The following PLCB1 variants were observed in gnomAD, a reference collection of about 807,000 sequenced individuals.
PLCB1 encodes 1-phosphatidylinositol 4,5-bisphosphate phosphodiesterase beta-1.
PLCB1 carries 46 observed loss-of-function variants against 161.8 expected under a neutral mutation model. The ratio of observed to expected loss-of-function variants is 0.28; its 90% CI spans 0.22 to 0.36. The LOEUF is 0.36. Among genes scored for constraint, PLCB1 ranks in the 10% least tolerant of loss-of-function variants. The pLI is 1.00. For synonymous variants in PLCB1, 517 were observed against 503.7 expected, an observed-to-expected ratio of 1.03 and a Z score of -0.35; for missense variants, 1,016 against 1,472.5, an observed-to-expected ratio of 0.69 and a Z score of 5.07.
At chr20:8,377,028 A>G (rs1227785487) in intron 3 of PLCB1, among the ~76,000 whole-genome samples, 1 of 152,160 alleles carries the variant, frequency 6.6e-6, no homozygotes, top group Non-Finnish European at 1.5e-5. Context: ...ATTTCAAGCT[A>G]CCAACCTGAT....
At chr20:8,740,290 T>C in intron 21 of PLCB1, 54 bp from the exon 22 acceptor site, 1 of 935,104 alleles carries the variant, frequency 1.1e-6, no homozygotes, top group South Asian at 1.5e-5. Flanking sequence ...CGCATAATTA[T>C]AACTAACATT....
intron 26 of PLCB1, among the ~76,000 whole-genome samples, chr20:8,767,342 A>G (rs1490660948): frequency 6.6e-6 from 1 of 152,132 alleles, no homozygotes; most frequent in Non-Finnish European, 1.5e-5. Flanking sequence ...GTCTATAATC[A>G]TTCAGGAGCA....
intron 19 of PLCB1, among the ~76,000 whole-genome samples, chr20:8,734,596 G>A (rs1374813391): frequency 3.3e-5 from 5 of 151,650 alleles, no homozygotes; most frequent in Admixed American, 3.3e-4. Flanking sequence ...ATGTATATCT[G>A]ACCCTAAACA....
chr20:8,789,676 T>G (rs1983658954), intron 30 of PLCB1, 101 bp downstream of exon 30: 1 of 859,442 alleles, frequency 1.2e-6, no homozygotes, highest in Non-Finnish European at 2.0e-6. Flanking sequence ...TTGCCATAAC[T>G]TTTTATCACT....
chr20:8,618,343 T>C (rs1988087546), intron 3 of PLCB1, among the ~76,000 whole-genome samples: 1 of 152,150 alleles, frequency 6.6e-6, no homozygotes, highest in Admixed American at 6.5e-5. Context: ...TTTACACTCC[T>C]TAAATTTCCT....
intron 3 of PLCB1, among the ~76,000 whole-genome samples, chr20:8,594,180 C>T (rs1222820131): frequency 6.6e-6 from 1 of 152,182 alleles, no homozygotes; most frequent in Non-Finnish European, 1.5e-5. Context: ...GGACTACAGG[C>T]ATGAACCCTC....
chr20:8,563,260 G>T (rs1459419766), intron 3 of PLCB1, among the ~76,000 whole-genome samples: 1 of 151,966 alleles, frequency 6.6e-6, no homozygotes, highest in Non-Finnish European at 1.5e-5. Context: ...TCTGGTGGAA[G>T]TAGTATAGCC....
Position 8,881,950 on chromosome 20 carries a change from AT to A in PLCB1, c.*102del. 2 of 769,760 alleles carry A rather than the reference AT, an allele frequency of 2.6e-6. No individual in the cohort carries two copies. The highest frequency in any genetic ancestry group is 2.1e-6 in the Non-Finnish European group (1 of 465,382). 47.7% of individuals were successfully genotyped at this position (769,760 alleles called of 1,614,324 possible). A position where few individuals can be genotyped will look rare whatever the true frequency, so the allele number is the denominator to read the frequency against. On this transcript the variant is annotated 3_prime_UTR_variant, in exon 32 of 32. Transcript: ENST00000338037. ...GCCCAGGACCATCTTCCCGAGAAGCATCCCTTAGCCTAAAATCCACACCAAA... is the reference window on the plus strand; with the variant it reads ...GCCCAGGACCATCTTCCCGAGAAGCACCCTTAGCCTAAAATCCACACCAAA...
chr20:8,581,542 C>T (rs534514646), intron 3 of PLCB1, among the ~76,000 whole-genome samples: 12 of 152,132 alleles, frequency 7.9e-5, no homozygotes, highest in Non-Finnish European at 4.4e-5. Flanking sequence ...CTAAATGTTA[C>T]AAGGTTTGAC....
intron 2 of PLCB1, among the ~76,000 whole-genome samples, chr20:8,154,414 T>C (rs1253565078): frequency 2.0e-5 from 3 of 152,176 alleles, no homozygotes; most frequent in African/African-American, 7.2e-5. Flanking sequence ...AATCCTATAA[T>C]ATGGAGTAAT....
At chr20:8,399,219 A>G (rs897792024) in intron 3 of PLCB1, among the ~76,000 whole-genome samples, 4 of 147,388 alleles carry the variant, frequency 2.7e-5, no homozygotes, top group African/African-American at 1.0e-4. Flanking sequence ...TCCCAACACT[A>G]TTTTTTTCAG....
intron 23 of PLCB1, among the ~76,000 whole-genome samples, chr20:8,742,556 A>C (rs900268283): frequency 6.6e-6 from 1 of 152,212 alleles, no homozygotes; most frequent in Admixed American, 6.5e-5. Flanking sequence ...CCATCCGCTC[A>C]GAGATAGCCA....
intron 2 of PLCB1, among the ~76,000 whole-genome samples, chr20:8,222,433 TATTA>T (rs763249015): frequency 6.6e-6 from 1 of 152,218 alleles, no homozygotes; most frequent in Non-Finnish European, 1.5e-5. Flanking sequence ...TGCCTGTTGT[TATTA>T]ATCACTCAAA....
intron 2 of PLCB1, among the ~76,000 whole-genome samples, chr20:8,370,168 C>T (rs1462136028): frequency 6.6e-6 from 1 of 152,178 alleles, no homozygotes. Context: ...TCTGGAGTCA[C>T]TTTAAGACAA....
chr20:8,445,164 G>T (rs1280280363), intron 3 of PLCB1, among the ~76,000 whole-genome samples: 1 of 152,126 alleles, frequency 6.6e-6, no homozygotes, highest in Non-Finnish European at 1.5e-5. Flanking sequence ...TTCTTCTAGG[G>T]TTTTTATGGT....
At chr20:8,867,234 C>T (rs796559920) in intron 31 of PLCB1, among the ~76,000 whole-genome samples, 61 of 152,248 alleles carry the variant, frequency 4.0e-4, no homozygotes, top group Admixed American at 1.2e-3. Flanking sequence ...TAAAGGCATG[C>T]ACCAATGAGG....
At chr20:8,422,758 T>A (rs1383107059) in intron 3 of PLCB1, among the ~76,000 whole-genome samples, 1 of 152,138 alleles carries the variant, frequency 6.6e-6, no homozygotes, top group Non-Finnish European at 1.5e-5. Flanking sequence ...TTCCAGTGAC[T>A]TCATGGTCAT....
At chr20:8,154,272 C>A (rs1439104213) in intron 2 of PLCB1, among the ~76,000 whole-genome samples, 1 of 152,126 alleles carries the variant, frequency 6.6e-6, no homozygotes, top group Non-Finnish European at 1.5e-5. Flanking sequence ...CATGTTAGTA[C>A]ATGTGTATGT....
chr20:8,417,247 C>A (rs1979341258), intron 3 of PLCB1, among the ~76,000 whole-genome samples: 1 of 150,490 alleles, frequency 6.6e-6, no homozygotes, highest in Non-Finnish European at 1.5e-5. Flanking sequence ...CCACCATGCC[C>A]AGCTAATTTT....
Sources: gnomAD v4.1 joint callset for allele counts (sites outside exome capture counted in the v4.1 genomes callset) on GRCh38, gnomAD v4.1.1 for gene constraint, MANE v1.5 for transcripts, NCBI Gene and HGNC (gene_info 2026-07-23, HGNC 2026-07-21) for gene names.